CEBPA: variants seen among roughly 807,000 people sequenced by gnomAD.
CEBPA encodes CCAAT/enhancer-binding protein alpha.
CEBPA carries 2 observed loss-of-function variants against 5.1 expected under a neutral mutation model. That is an observed-to-expected ratio of 0.39 (90% CI 0.16 to 1.23). CEBPA has a LOEUF of 1.23. Ranked by LOEUF, CEBPA falls within the 50% of genes most tolerant of loss-of-function variation. The pLI, the probability that CEBPA is intolerant of heterozygous loss-of-function variation, is 0.34. For synonymous variants in CEBPA, 275 were observed against 264.1 expected (o/e 1.04, Z -0.40); for missense variants, 455 against 537.4 (o/e 0.85, Z 1.52).
At position 33,302,240 on chromosome 19, in the gene CEBPA, C is replaced by T; in HGVS notation, c.175G>A (p.Glu59Lys). 1 of 1,491,544 alleles carries T rather than the reference C, an allele frequency of 6.7e-7. No homozygotes were observed. Among genetic ancestry groups the T allele is most frequent in the Non-Finnish European group, 8.9e-7 (1 of 1,117,366 alleles). The allele number at this position is 1,491,544 out of a possible 1,614,324, so 92.4% of individuals were successfully genotyped here. The change falls in exon 1 of 1, where the codon GAG becomes AAG. Residue 59 changes from glutamate (E) to lysine (K), a missense_variant. By Grantham distance (56) the Glu-to-Lys change is moderately conservative. This residue lies in a region of CEBPA where 143 missense variants were observed against 153.9 expected (regional missense o/e 0.93). Transcript: ENST00000498907. ...PEPLGGICEH[E>K]TSIDISAYID... ...TAGGCGCTGATGTCGATGGACGTCT[C>T]GTGCTCGCAGATGCCGCCCAGCGGC...
rs1967142808 is a variant in CEBPA, at chr19:33,300,948, T to C, written c.*390A>G. The C allele has an allele frequency of 3.1e-6, 1 of 318,324 alleles. No homozygotes were observed. Among genetic ancestry groups the C allele is most frequent in the Non-Finnish European group, 6.0e-6 (1 of 167,980 alleles). The allele number at this position is 318,324 out of a possible 1,614,324, so 19.7% of individuals were successfully genotyped here. On this transcript the variant is annotated 3_prime_UTR_variant, in exon 1 of 1. Coordinates refer to ENST00000498907, the MANE Select transcript of CEBPA (RefSeq NM_004364.5). ...CCCTCCTTCTCTCATGGGGGTCTGC[T>C]GTAGCCTCGGGAAGGAGGCAGGAAA...
chr19:33,300,922 C>G lies in CEBPA; in HGVS notation c.*416G>C. ...GCCCTCCTCCTGCCACGGGCCTGCTCCCCTCCTTCTCTCATGGGGGTCTGC... is the reference window on the plus strand; with the variant it reads ...GCCCTCCTCCTGCCACGGGCCTGCTGCCCTCCTTCTCTCATGGGGGTCTGC... On this transcript the variant is annotated 3_prime_UTR_variant, in exon 1 of 1. Coordinates refer to ENST00000498907, the MANE Select transcript of CEBPA (RefSeq NM_004364.5). 3.5e-6 allele frequency: 1 copy of G among 281,966 alleles called. No homozygotes were observed. The highest frequency in any genetic ancestry group is 6.8e-6 in the Non-Finnish European group (1 of 146,788). The allele number at this position is 281,966 out of a possible 1,614,324, so 17.5% of individuals were successfully genotyped here.
In CEBPA at chr19:33,300,870, G is replaced by A; in HGVS notation, c.*468C>T. The A allele has an allele frequency of 3.9e-6, 1 of 253,230 alleles. No individual in the cohort carries two copies. The highest frequency in any genetic ancestry group is 7.7e-6 in the Non-Finnish European group (1 of 129,328). 15.7% of individuals were successfully genotyped at this position (253,230 alleles called of 1,614,324 possible). On this transcript the variant is annotated 3_prime_UTR_variant, in exon 1 of 1. Transcript: ENST00000498907. Reference sequence around the variant, plus strand: ...GCGTGGAGGAGCGGCTGGGGCTGGCGGGCTTGTCGGGATCTCAGCTCCCTG... The same window carrying A: ...GCGTGGAGGAGCGGCTGGGGCTGGCAGGCTTGTCGGGATCTCAGCTCCCTG...
chr19:33,301,387 C>A lies in CEBPA; in HGVS notation c.1028G>T (p.Arg343Leu), dbSNP rs1264760427. The A allele has an allele frequency of 1.2e-6, 2 of 1,608,842 alleles. No homozygotes were observed. The highest frequency in any genetic ancestry group is 1.7e-6 in the Non-Finnish European group (2 of 1,179,472). Residue 343 changes from arginine to leucine, a missense_variant, in exon 1 of 1, where the codon CGC becomes CTC. Transcript: ENST00000498907. The surrounding 1 kb of genome is among the most constrained non-coding windows in gnomAD (Gnocchi z 6.0). ...GACCAAGGAGCTCTCTGGCAGCTGGCGGAAGATGCCCCGCAGCGTGTCCAG... is the reference window on the plus strand; with the variant it reads ...GACCAAGGAGCTCTCTGGCAGCTGGAGGAAGATGCCCCGCAGCGTGTCCAG... The part of the protein sequence containing the change: ...RELDTLRGIF[R>L]QLPESSLVKA...
rs1225632431 is a variant in CEBPA, at chr19:33,301,118, C to T, written c.*220G>A. 8 of 724,408 alleles carry T rather than the reference C, an allele frequency of 1.1e-5. No homozygotes were observed. Among genetic ancestry groups the T allele is most frequent in the Non-Finnish European group, 1.8e-5 (8 of 453,074 alleles). The allele number at this position is 724,408 out of a possible 1,614,324, so 44.9% of individuals were successfully genotyped here. ...TCAGCCCCAAGAATTCTCCCCTCCT[C>T]GCAGGGAGAAGCCACCGCCTGGCCC... On this transcript the variant is annotated 3_prime_UTR_variant, in exon 1 of 1. Coordinates refer to ENST00000498907, the MANE Select transcript of CEBPA (RefSeq NM_004364.5). The surrounding 1 kb of genome is among the most constrained non-coding windows in gnomAD (Gnocchi z 6.0).
At position 33,302,485 on chromosome 19, in the gene CEBPA, C is replaced by G; in HGVS notation, c.-71G>C. The G allele has an allele frequency of 1.9e-6, 2 of 1,044,636 alleles. No individual in the cohort carries two copies. Among genetic ancestry groups the G allele is most frequent in the Non-Finnish European group, 2.4e-6 (2 of 816,574 alleles). The allele number at this position is 1,044,636 out of a possible 1,614,324, so 64.7% of individuals were successfully genotyped here. On this transcript the variant is annotated 5_prime_UTR_variant, in exon 1 of 1. Transcript: ENST00000498907. Reference sequence around the variant, plus strand: ...AGCCTGCGCGGGGCGTCGCCGCCGCCCACCCGGAGACCCTGCTCGCCCGCG... The same window carrying G: ...AGCCTGCGCGGGGCGTCGCCGCCGCGCACCCGGAGACCCTGCTCGCCCGCG...
chr19:33,301,864 G>T lies in CEBPA; in HGVS notation c.551C>A (p.Pro184Gln). ...ALAGLFPYQP[P>Q]PPPPPSHPHP... Reference sequence around the variant, plus strand: ...CGGGTGCGAGGGCGGCGGCGGCGGCGGCGGCTGGTAAGGGAAGAGGCCGGC... The same window carrying T: ...CGGGTGCGAGGGCGGCGGCGGCGGCTGCGGCTGGTAAGGGAAGAGGCCGGC... The change falls in exon 1 of 1, where the codon CCG (proline) becomes CAG (glutamine). Residue 184 changes from proline (P) to glutamine (Q), a missense_variant. Around this residue, in one of 5 missense-constraint regions of CEBPA, gnomAD observed 141 missense variants for 124.1 expected, o/e 1.14. Coordinates refer to ENST00000498907, the MANE Select transcript of CEBPA (RefSeq NM_004364.5). This position sits in a 1 kb window ranked among gnomAD's most constrained non-coding sequence, Gnocchi z 6.0. 1 of 1,324,012 alleles carries T rather than the reference G, an allele frequency of 7.6e-7. No homozygotes were observed. The highest frequency in any genetic ancestry group is 3.1e-5 in the Admixed American group (1 of 31,766). 82.0% of individuals were successfully genotyped at this position (1,324,012 alleles called of 1,614,324 possible). A position where few individuals can be genotyped will look rare whatever the true frequency, so the allele number is the denominator to read the frequency against.
rs996435066 is a variant in CEBPA, at chr19:33,302,315, G to A, written c.100C>T (p.Pro34Ser). The A allele has an allele frequency of 4.2e-6, 6 of 1,428,720 alleles. No individual in the cohort carries two copies. The African/African-American group carries it at 6.0e-5, about 14-fold the overall frequency. 88.5% of individuals were successfully genotyped at this position (1,428,720 alleles called of 1,614,324 possible). A position where few individuals can be genotyped will look rare whatever the true frequency, so the allele number is the denominator to read the frequency against. The stretch of plus-strand genomic sequence containing the variant: ...GGCTGCGCGGGGCCCGCGCCCCGGG[G>A]AAAGCCGAAGGCGGCGCTGCTGGGC... ...HAPSSAAFGF[P>S]RGAGPAQPPA... The change falls in exon 1 of 1, where the codon CCC (proline) becomes TCC (serine). Residue 34 changes from proline (P) to serine (S), a missense_variant. Pro to Ser is a moderately conservative substitution (Grantham distance 74). This residue lies in a region of CEBPA where 143 missense variants were observed against 153.9 expected (regional missense o/e 0.93). Transcript: ENST00000498907.
In CEBPA at chr19:33,301,432, A is replaced by C. The variant is rs1422138876; in HGVS notation, c.983T>G (p.Val328Gly). 1.2e-6 allele frequency: 2 copies of C among 1,612,292 alleles called. No homozygotes were observed. The highest frequency in any genetic ancestry group is 2.7e-5 in the African/African-American group (2 of 74,888). The change falls in exon 1 of 1, where the codon GTG becomes GGG. Residue 328 changes from valine (V) to glycine (G), a missense_variant. By Grantham distance (109) the Val-to-Gly change is moderately radical. Around this residue, in one of 5 missense-constraint regions of CEBPA, gnomAD observed 118 missense variants for 189.3 expected, o/e 0.62. Coordinates refer to ENST00000498907, the MANE Select transcript of CEBPA (RefSeq NM_004364.5). This position sits in a 1 kb window ranked among gnomAD's most constrained non-coding sequence, Gnocchi z 6.0. ...TSDNDRLRKR[V>G]EQLSRELDTL... ...GTCCAGTTCGCGGCTCAGCTGTTCCACCCGCTTGCGCAGGCGGTCATTGTC... is the reference window on the plus strand; with the variant it reads ...GTCCAGTTCGCGGCTCAGCTGTTCCCCCCGCTTGCGCAGGCGGTCATTGTC...
At position 33,300,586 on chromosome 19, in the gene CEBPA, A is replaced by T. The variant is rs1220289440; in HGVS notation, c.*752T>A. 4.3e-6 allele frequency: 1 copy of T among 233,526 alleles called. No homozygotes were observed. The allele number at this position is 233,526 out of a possible 1,614,324, so 14.5% of individuals were successfully genotyped here. ...GGTCTCCCTCTCCCACCAGGGGTATACATCCTCAGAGCTGACCCACGACCT... is the reference window on the plus strand; with the variant it reads ...GGTCTCCCTCTCCCACCAGGGGTATTCATCCTCAGAGCTGACCCACGACCT... On this transcript the variant is annotated 3_prime_UTR_variant, in exon 1 of 1. Transcript: ENST00000498907.
rs746895795 is a variant in CEBPA at position 33,301,639 on chromosome 19, G to A, written c.776C>T (p.Ala259Val). The change falls in exon 1 of 1, where the codon GCG becomes GTG. Residue 259 changes from alanine to valine, a missense_variant. Coordinates refer to ENST00000498907, the MANE Select transcript of CEBPA (RefSeq NM_004364.5). The surrounding 1 kb of genome is among the most constrained non-coding windows in gnomAD (Gnocchi z 6.0). ...GCCACTCGCGCGGAGGTCGGGGTGC[G>A]CGGCGCCCAGCCCCTTGAGCGCGCT... ...PGSALKGLGA[A>V]HPDLRASGGS... 4 of 1,551,252 alleles carry A rather than the reference G, an allele frequency of 2.6e-6. No individual in the cohort carries two copies. Among genetic ancestry groups the A allele is most frequent in the East Asian group, 2.4e-5 (1 of 41,464 alleles).
Position 33,301,863 on chromosome 19 carries a change from C to A in CEBPA, c.552G>T (p.Pro184=), listed in dbSNP as rs1440515922. 2.4e-6 allele frequency: 3 copies of A among 1,266,962 alleles called. No individual in the cohort carries two copies. The highest frequency in any genetic ancestry group is 3.7e-5 in the South Asian group (2 of 53,840). 78.5% of individuals were successfully genotyped at this position (1,266,962 alleles called of 1,614,324 possible). Residue 184 remains proline (P), a synonymous_variant, in exon 1 of 1, where the codon CCG becomes CCT. Transcript: ENST00000498907. The surrounding 1 kb of genome is among the most constrained non-coding windows in gnomAD (Gnocchi z 6.0). The part of the protein sequence containing the change: ...ALAGLFPYQP[P]PPPPPSHPHP... ...GCGGGTGCGAGGGCGGCGGCGGCGG[C>A]GGCGGCTGGTAAGGGAAGAGGCCGG...
chr19:33,301,836 G>A lies in CEBPA; in HGVS notation c.579C>T (p.His193=), dbSNP rs1260660049. ...CCAGGTGCGCGGGCGGCGGGTGCGG[G>A]TGCGGGTGCGAGGGCGGCGGCGGCG... The part of the protein sequence containing the change: ...PPPPPPPSHP[H]PHPPPAHLAA... The change falls in exon 1 of 1, where the codon CAC becomes CAT. Residue 193 remains histidine (H), a synonymous_variant. Transcript: ENST00000498907. This position sits in a 1 kb window ranked among gnomAD's most constrained non-coding sequence, Gnocchi z 6.0. The A allele has an allele frequency of 7.7e-7, 1 of 1,300,880 alleles. No homozygotes were observed. The highest frequency in any genetic ancestry group is 2.0e-5 in the South Asian group (1 of 49,436). The allele number at this position is 1,300,880 out of a possible 1,614,324, so 80.6% of individuals were successfully genotyped here.
Position 33,302,228 on chromosome 19 carries a change from C to T in CEBPA, c.187G>A (p.Asp63Asn), listed in dbSNP as rs1452063514. ...GGICEHETSI[D>N]ISAYIDPAAF... ...GCCGGGTCGATGTAGGCGCTGATGT[C>T]GATGGACGTCTCGTGCTCGCAGATG... is the stretch of plus-strand genomic sequence containing the variant. Residue 63 changes from aspartate (D) to asparagine (N), a missense_variant, in exon 1 of 1, where the codon GAC becomes AAC. Asp to Asn is a conservative substitution (Grantham distance 23). Around this residue, in one of 5 missense-constraint regions of CEBPA, gnomAD observed 143 missense variants for 153.9 expected, o/e 0.93. Transcript: ENST00000498907. The T allele has an allele frequency of 5.3e-6, 8 of 1,495,900 alleles. No individual in the cohort carries two copies. The highest frequency in any genetic ancestry group is 5.4e-6 in the Non-Finnish European group (6 of 1,119,846). The allele number at this position is 1,495,900 out of a possible 1,614,324, so 92.7% of individuals were successfully genotyped here.
rs1275857632 is a variant in CEBPA at position 33,302,458 on chromosome 19, C to A, written c.-44G>T. 5.8e-6 allele frequency: 7 copies of A among 1,210,258 alleles called. No homozygotes were observed. The highest frequency in any genetic ancestry group is 6.2e-6 in the Non-Finnish European group (6 of 963,980). 75.0% of individuals were successfully genotyped at this position (1,210,258 alleles called of 1,614,324 possible). A position where few individuals can be genotyped will look rare whatever the true frequency, so the allele number is the denominator to read the frequency against. On this transcript the variant is annotated 5_prime_UTR_variant, in exon 1 of 1. Coordinates refer to ENST00000498907, the MANE Select transcript of CEBPA (RefSeq NM_004364.5). ...CCGGCATGGCGAGCCTCGGCGGCCT[C>A]CAGCCTGCGCGGGGCGTCGCCGCCG...
Position 33,301,572 on chromosome 19 carries a change from G to C in CEBPA, c.843C>G (p.Asn281Lys). ...AGKAKKSVDK[N>K]SNEYRVRRER... ...CGCGCCGCACCCGGTACTCGTTGCT[G>C]TTCTTGTCCACCGACTTCTTGGCCT... The change falls in exon 1 of 1, where the codon AAC becomes AAG. Residue 281 changes from asparagine to lysine, a missense_variant. Physicochemically the swap from Asn to Lys is moderately conservative, Grantham distance 94. Coordinates refer to ENST00000498907, the MANE Select transcript of CEBPA (RefSeq NM_004364.5). The surrounding 1 kb of genome is among the most constrained non-coding windows in gnomAD (Gnocchi z 6.0). 6.2e-7 allele frequency: 1 copy of C among 1,612,314 alleles called. No homozygotes were observed. The highest frequency in any genetic ancestry group is 8.5e-7 in the Non-Finnish European group (1 of 1,179,554).
chr19:33,302,418 G>C lies in CEBPA; in HGVS notation c.-4C>G, dbSNP rs1967205785. On this transcript the variant is annotated 5_prime_UTR_variant, in exon 1 of 1. Transcript: ENST00000498907. ...CGTAGAAGTCGGCCGACTCCATGGG[G>C]GAGTTAGAGTTCTCCCGGCATGGCG... is the stretch of plus-strand genomic sequence containing the variant. The C allele has an allele frequency of 1.6e-6, 2 of 1,274,886 alleles. No individual in the cohort carries two copies. The highest frequency in any genetic ancestry group is 3.2e-5 in the East Asian group (1 of 31,388). The allele number at this position is 1,274,886 out of a possible 1,614,324, so 79.0% of individuals were successfully genotyped here.
Position 33,301,273 on chromosome 19 carries a change from G to A in CEBPA, c.*65C>T. ...GCTCGGGCAAGCCTCGAGATCCGGC[G>A]ACCCCAAACCACTCCCTGGGTCCCC... is the stretch of plus-strand genomic sequence containing the variant. On this transcript the variant is annotated 3_prime_UTR_variant, in exon 1 of 1. Transcript: ENST00000498907. This position sits in a 1 kb window ranked among gnomAD's most constrained non-coding sequence, Gnocchi z 6.0. 2 of 1,505,724 alleles carry A rather than the reference G, an allele frequency of 1.3e-6. No homozygotes were observed. The highest frequency in any genetic ancestry group is 2.5e-5 in the East Asian group (1 of 40,650). The allele number at this position is 1,505,724 out of a possible 1,614,324, so 93.3% of individuals were successfully genotyped here.
At position 33,302,507 on chromosome 19, in the gene CEBPA, C is replaced by A. The variant is rs932338734; in HGVS notation, c.-93G>T. On this transcript the variant is annotated 5_prime_UTR_variant, in exon 1 of 1. Transcript: ENST00000498907. ...CGCCCACCCGGAGACCCTGCTCGCC[C>A]GCGCCCGCGCACCTCCGGGTCGCGA... 2.5e-6 allele frequency: 2 copies of A among 800,552 alleles called. No homozygotes were observed. The highest frequency in any genetic ancestry group is 6.1e-5 in the South Asian group (1 of 16,522). 49.6% of individuals were successfully genotyped at this position (800,552 alleles called of 1,614,324 possible). A position where few individuals can be genotyped will look rare whatever the true frequency, so the allele number is the denominator to read the frequency against.
Sources: gnomAD v4.1 joint callset for allele counts on GRCh38, gnomAD v4.1.1 for gene constraint, gnomAD v4.1.1 regional missense constraint, Gnocchi (gnomAD v3.1) non-coding constraint, MANE v1.5 for transcripts, NCBI Gene and HGNC (gene_info 2026-07-23, HGNC 2026-07-21) for gene names.